Variants in STX6 observed in about 807,000 individuals in gnomAD.
STX6 encodes syntaxin 6, also known as syntaxin-6.
STX6 carries 23 observed loss-of-function variants against 38.0 expected under a neutral mutation model. The observed-to-expected ratio is 0.60, with a 90% CI of 0.43 to 0.86. The LOEUF (loss-of-function observed/expected upper bound fraction) is 0.86, where lower values mean the gene tolerates loss of function less well. Among genes scored for constraint, STX6 ranks in the 40% least tolerant of loss-of-function variants. The probability of loss-of-function intolerance (pLI) is 0.00; values close to 1 mark genes in which losing one functional copy is unlikely to be tolerated. For missense variants in STX6, 274 were observed against 312.9 expected (o/e 0.88, Z 0.94); for synonymous variants, 123 against 107.5 (o/e 1.14, Z -0.89).
At position 180,984,681 on chromosome 1, in the gene STX6, G is replaced by A; in HGVS notation, c.687C>T (p.Thr229=). Reference sequence around the variant, plus strand: ...AGCTTTAAACGCCATACATACCACTGGTCATATGAGATACTTTTGCAAGTT... The same window carrying A: ...AGCTTTAAACGCCATACATACCACTAGTCATATGAGATACTTTTGCAAGTT... ...MKKLAKVSHM[T]SDRRQWCAIA... is the part of the protein sequence containing the mutation. The change falls in exon 7 of 8, where the codon ACC becomes ACT. Residue 229 remains threonine, a synonymous_variant. Transcript: ENST00000258301. 1 of 1,481,292 alleles carries A rather than the reference G, an allele frequency of 6.8e-7. No individual in the cohort carries two copies. The highest frequency in any genetic ancestry group is 1.1e-5 in the South Asian group (1 of 88,230). The allele number at this position is 1,481,292 out of a possible 1,614,324, so 91.8% of individuals were successfully genotyped here. A position where few individuals can be genotyped will look rare whatever the true frequency, so the allele number is the denominator to read the frequency against.
At chr1:180,990,966 C>A (rs1655741288) in intron 4 of STX6, among the ~76,000 whole-genome samples, 1 of 152,208 alleles carries the variant, frequency 6.6e-6, no homozygotes, top group Non-Finnish European at 1.5e-5. Flanking sequence ...ACTGCTCACA[C>A]CAGCCCCGCA....
intron 1 of STX6, among the ~76,000 whole-genome samples, chr1:181,013,584 T>C (rs1656470989): frequency 6.6e-6 from 1 of 152,186 alleles, no homozygotes; most frequent in South Asian, 2.1e-4. Flanking sequence ...TCCCCCTTCA[T>C]CGTTTTGATT....
chr1:180,987,428 C>T (rs565030923), intron 6 of STX6, among the ~76,000 whole-genome samples: 4 of 152,344 alleles, frequency 2.6e-5, no homozygotes, highest in Non-Finnish European at 5.9e-5. Flanking sequence ...ACCCTGCAAG[C>T]GGCAAACTCT....
intron 1 of STX6, among the ~76,000 whole-genome samples, chr1:181,016,886 A>T (rs1656572840): frequency 6.6e-6 from 1 of 151,554 alleles, no homozygotes; most frequent in South Asian, 2.1e-4. Context: ...CAGGAGTTCA[A>T]GACCAGCCTG....
intron 1 of STX6, among the ~76,000 whole-genome samples, chr1:181,015,691 G>C (rs1656535262): frequency 6.6e-6 from 1 of 150,520 alleles, no homozygotes; most frequent in Non-Finnish European, 1.5e-5. Flanking sequence ...TTTTTGAGAG[G>C]GAGTTTTGCA....
At chr1:181,003,095 T>C (rs965112472) in intron 2 of STX6, among the ~76,000 whole-genome samples, 12 of 152,260 alleles carry the variant, frequency 7.9e-5, no homozygotes, top group African/African-American at 2.9e-4. Context: ...CTTCCCATTA[T>C]GCCAAGATGC....
At position 180,989,904 on chromosome 1, in the gene STX6, A is replaced by G. The variant is rs535253169; in HGVS notation, c.489+80T>C. On this transcript the variant is annotated intron_variant, in intron 5 of 7. Coordinates refer to ENST00000258301, the MANE Select transcript of STX6 (RefSeq NM_005819.6). ...TTACCCTCCTTGTCACTAAGCCACA[A>G]GACCCCATGGCTGGCAAAGGAACTA... is the stretch of plus-strand genomic sequence containing the variant. 195 of 1,551,334 alleles carry G rather than the reference A, an allele frequency of 1.3e-4. 1 individual carries two copies. In the African/African-American group the frequency reaches 2.1e-3, roughly 17 times the overall value.
chr1:180,987,210 C>T (rs984102919), intron 6 of STX6, among the ~76,000 whole-genome samples: 1 of 152,144 alleles, frequency 6.6e-6, no homozygotes, highest in Non-Finnish European at 1.5e-5. Flanking sequence ...CTGGTCTACA[C>T]ACCCCACACC....
intron 4 of STX6, among the ~76,000 whole-genome samples, chr1:180,990,835 G>T (rs578101226): frequency 6.6e-6 from 1 of 152,150 alleles, no homozygotes; most frequent in African/African-American, 2.4e-5. Flanking sequence ...ATTCAAGGAA[G>T]TTTGCAGCCA....
intron 1 of STX6, among the ~76,000 whole-genome samples, chr1:181,006,758 T>A (rs1468744721): frequency 6.6e-6 from 1 of 151,958 alleles, no homozygotes; most frequent in African/African-American, 2.4e-5. Context: ...AAGAAAGCGC[T>A]AACAAAAATG....
chr1:181,008,355 T>C (rs912789408), intron 1 of STX6, among the ~76,000 whole-genome samples: 1 of 152,136 alleles, frequency 6.6e-6, no homozygotes, highest in African/African-American at 2.4e-5. Flanking sequence ...TTTTTTCAGA[T>C]TTAGAATATT....
chr1:180,990,852 G>A (rs1432205751), intron 4 of STX6, among the ~76,000 whole-genome samples: 2 of 152,086 alleles, frequency 1.3e-5, no homozygotes, highest in African/African-American at 4.8e-5. Flanking sequence ...GCCATAAATG[G>A]GTATGTCTTC....
At chr1:181,015,867 G>T (rs1656541034) in intron 1 of STX6, among the ~76,000 whole-genome samples, 1 of 152,040 alleles carries the variant, frequency 6.6e-6, no homozygotes, top group Admixed American at 6.5e-5. Flanking sequence ...CACCATGTTG[G>T]CCAGGCTGGT....
chr1:181,002,359 G>A (rs931040382), intron 3 of STX6, among the ~76,000 whole-genome samples: 1 of 151,180 alleles, frequency 6.6e-6, no homozygotes, highest in East Asian at 1.9e-4. Flanking sequence ...TCATCATGTT[G>A]CCCGGACTGG....
chr1:180,985,736 C>G (rs73048440), intron 6 of STX6, among the ~76,000 whole-genome samples: 3,510 of 152,270 alleles, frequency 0.023, 120 homozygotes, highest in African/African-American at 0.077. Context: ...GACTTTTCAA[C>G]TTTTGATTAG....
chr1:181,022,578 G>C lies in STX6; in HGVS notation c.35+61C>G. 1.9e-6 allele frequency: 3 copies of C among 1,552,892 alleles called. No individual in the cohort carries two copies. In the South Asian group the frequency reaches 3.5e-5, roughly 18 times the overall value. On this transcript the variant is annotated intron_variant, in intron 1 of 7. Transcript: ENST00000258301. ...CTCCCCCCACTGCGAGAAGACCTAG[G>C]AGGTGCGGGCAGGCAGCACCGCCAC...
chr1:181,001,198 A>T (rs981750349), intron 3 of STX6, among the ~76,000 whole-genome samples: 4 of 152,266 alleles, frequency 2.6e-5, no homozygotes, highest in African/African-American at 9.6e-5. Context: ...AAATCACATG[A>T]TATAAAGACT....
intron 7 of STX6, 107 bp from the exon 8 acceptor site, chr1:180,976,753 T>G (rs1486249820): frequency 1.9e-6 from 2 of 1,034,766 alleles, no homozygotes; most frequent in East Asian, 5.0e-5. Context: ...GGGCAGAACG[T>G]GCAAATGACG....
intron 7 of STX6, 136 bp downstream of exon 7, chr1:180,984,541 T>C (rs995066204): frequency 1.8e-5 from 8 of 436,796 alleles, no homozygotes; most frequent in South Asian, 3.6e-5. Context: ...AGAGTGAGAC[T>C]CTGTCTCAAA....
Sources: gnomAD v4.1 joint callset for allele counts (sites outside exome capture counted in the v4.1 genomes callset) on GRCh38, gnomAD v4.1.1 for gene constraint, MANE v1.5 for transcripts, NCBI Gene and HGNC (gene_info 2026-07-23, HGNC 2026-07-21) for gene names.